RBFOX1: variants seen among roughly 807,000 people sequenced by gnomAD.
RBFOX1 encodes RNA binding fox-1 homolog 1.
A neutral mutation model predicts 57.7 loss-of-function variants in RBFOX1; 8 were observed. That is an observed-to-expected ratio of 0.14 (90% CI 0.08 to 0.25). The LOEUF is 0.25. Among genes scored for constraint, RBFOX1 ranks in the 10% least tolerant of loss-of-function variants. The pLI is 1.00. For synonymous variants in RBFOX1, 326 were observed against 222.4 expected (o/e 1.47, Z -4.15); for missense variants, 611 against 548.5 (o/e 1.11, Z -1.14).
At chr16:6,546,576 C>T (rs1293850698) in intron 2 of RBFOX1, among the ~76,000 whole-genome samples, 1 of 152,184 alleles carries the variant, frequency 6.6e-6, no homozygotes, top group Non-Finnish European at 1.5e-5. Context: ...TGGCTCTTTT[C>T]ACATCATCTT....
At chr16:5,407,904 G>A (rs1303692661) in intron 1 of RBFOX1, among the ~76,000 whole-genome samples, 4 of 152,196 alleles carry the variant, frequency 2.6e-5, no homozygotes, top group Admixed American at 2.6e-4. Context: ...AGCTGGTGAT[G>A]GGATTAGATT....
rs3041577 is a variant in RBFOX1 at position 5,909,090 on chromosome 16, C to CTTTTTTTTTTTTTTTTTTTTTTTTTT, written c.351+41775_351+41776insTTTTTTTTTTTTTTTTTTTTTTTTTT. Among the ~76,000 whole-genome samples the CTTTTTTTTTTTTTTTTTTTTTTTTTT allele has an allele frequency of 1.7e-5, 2 of 116,390 alleles. 1 individual carries two copies. 76.4% of individuals were successfully genotyped at this position (116,390 alleles called of 152,430 possible). On this transcript the variant is annotated intron_variant, in intron 4 of 19. Coordinates refer to the RBFOX1 transcript ENST00000641259. ...ATCGGCTCCAACAGACTAAGCCCCC[C>CTTTTTTTTTTTTTTTTTTTTTTTTTT]TTTTTTTTTTTTTTTTTTTTGAGAC... is the stretch of plus-strand genomic sequence containing the variant.
intron 1 of RBFOX1, among the ~76,000 whole-genome samples, chr16:6,138,930 C>T (rs2096690180): frequency 6.6e-6 from 1 of 152,154 alleles, no homozygotes; most frequent in Admixed American, 6.6e-5. Context: ...TGGTTAGAAG[C>T]AAATTACAGG....
chr16:6,183,216 T>C (rs995555199), intron 1 of RBFOX1, among the ~76,000 whole-genome samples: 2 of 151,950 alleles, frequency 1.3e-5, no homozygotes, highest in Non-Finnish European at 2.9e-5. Flanking sequence ...TTCAATGGCC[T>C]ACACCTGTAA....
intron 2 of RBFOX1, chr16:6,483,973 G>A (rs2095419488): frequency 2.0e-6 from 2 of 1,025,238 alleles, no homozygotes; most frequent in Non-Finnish European, 2.3e-6. Flanking sequence ...GGCTCGCCCT[G>A]GGTGCCCCGT....
At chr16:5,881,115 G>C (rs2057750298) in intron 4 of RBFOX1, among the ~76,000 whole-genome samples, 1 of 152,094 alleles carries the variant, frequency 6.6e-6, no homozygotes, top group Non-Finnish European at 1.5e-5. Flanking sequence ...TTTTCCTATC[G>C]AAGTTCACGG....
intron 14 of RBFOX1, among the ~76,000 whole-genome samples, chr16:7,707,017 G>T (rs1290224817): frequency 6.6e-6 from 1 of 152,182 alleles, no homozygotes; most frequent in Non-Finnish European, 1.5e-5. Context: ...GGACTGAAGG[G>T]TGTCCCCAAA....
chr16:7,061,022 CTG>C (rs112453963), intron 4 of RBFOX1, among the ~76,000 whole-genome samples: 69 of 150,566 alleles, frequency 4.6e-4, no homozygotes, highest in African/African-American at 1.5e-3. Flanking sequence ...GTATGTTCTC[CTG>C]TGTGTGTGTG....
At chr16:6,796,518 A>C (rs1436933860) in intron 3 of RBFOX1, among the ~76,000 whole-genome samples, 2 of 152,168 alleles carry the variant, frequency 1.3e-5, no homozygotes, top group Non-Finnish European at 2.9e-5. Flanking sequence ...ATCCACTGTA[A>C]ATAACAGAAT....
chr16:7,064,207 G>A (rs1373271174), intron 4 of RBFOX1, among the ~76,000 whole-genome samples: 1 of 132,194 alleles, frequency 7.6e-6, no homozygotes. Context: ...CTCACTATGT[G>A]GCCTAGGCTG....
intron 3 of RBFOX1, among the ~76,000 whole-genome samples, chr16:6,884,484 A>T (rs915529287): frequency 4.3e-4 from 66 of 152,206 alleles, no homozygotes; most frequent in African/African-American, 1.4e-3. Context: ...ACAAACTGTT[A>T]AGTACCTACC....
At chr16:6,357,549 C>G (rs1373634157) in intron 2 of RBFOX1, among the ~76,000 whole-genome samples, 1 of 151,476 alleles carries the variant, frequency 6.6e-6, no homozygotes, top group Non-Finnish European at 1.5e-5. Flanking sequence ...TCTGCACAAG[C>G]GCTCTCTCTC....
At chr16:5,521,592 C>T (rs954037444) in intron 2 of RBFOX1, among the ~76,000 whole-genome samples, 3 of 152,112 alleles carry the variant, frequency 2.0e-5, no homozygotes, top group African/African-American at 7.2e-5. Context: ...CCCAGAGTCA[C>T]AGGGGACAGG....
In RBFOX1 at chr16:7,712,569, G is replaced by A. The variant is rs1036201044; in HGVS notation, c.*1824G>A. ...CTTGAAAAGAGAAAAGGGGGAGGGG[G>A]GAGCTACTTATCAGCCAAAAGCATA... On this transcript the variant is annotated 3_prime_UTR_variant, in exon 16 of 16. Coordinates refer to ENST00000550418, the MANE Select transcript of RBFOX1 (RefSeq NM_018723.4). 1 of 152,570 alleles carries A rather than the reference G, an allele frequency of 6.6e-6. No homozygotes were observed. Among genetic ancestry groups the A allele is most frequent in the Admixed American group, 6.5e-5 (1 of 15,270 alleles). 9.5% of individuals were successfully genotyped at this position (152,570 alleles called of 1,614,324 possible). A position where few individuals can be genotyped will look rare whatever the true frequency, so the allele number is the denominator to read the frequency against.
At chr16:6,578,080 A>G (rs952514566) in intron 2 of RBFOX1, among the ~76,000 whole-genome samples, 2 of 152,204 alleles carry the variant, frequency 1.3e-5, no homozygotes, top group African/African-American at 2.4e-5. Flanking sequence ...AAATAAGGTA[A>G]TAAGTTAGTC....
At chr16:7,531,609 T>C (rs1302214904) in intron 5 of RBFOX1, among the ~76,000 whole-genome samples, 1 of 152,196 alleles carries the variant, frequency 6.6e-6, no homozygotes, top group East Asian at 1.9e-4. Context: ...ATGTTGTGTA[T>C]TTCATTGACA....
At chr16:7,662,409 C>T (rs2067995113) in intron 12 of RBFOX1, among the ~76,000 whole-genome samples, 1 of 152,192 alleles carries the variant, frequency 6.6e-6, no homozygotes, top group African/African-American at 2.4e-5. Flanking sequence ...CCTCCCGACC[C>T]ATTATTGAAT....
At chr16:5,417,138 T>G (rs997158128) in intron 1 of RBFOX1, among the ~76,000 whole-genome samples, 3 of 152,224 alleles carry the variant, frequency 2.0e-5, no homozygotes, top group South Asian at 2.1e-4. Context: ...AAGATGCATA[T>G]GCCACCTGAC....
intron 14 of RBFOX1, among the ~76,000 whole-genome samples, chr16:7,685,545 C>G (rs556879184): frequency 6.6e-5 from 10 of 152,080 alleles, no homozygotes; most frequent in African/African-American, 2.4e-4. Flanking sequence ...AAGCATGGTA[C>G]TAATTAGAAT....
Sources: allele counts gnomAD v4.1 joint callset (sites outside exome capture counted in the v4.1 genomes callset), GRCh38; gene constraint gnomAD v4.1.1; transcripts MANE v1.5; gene names NCBI Gene and HGNC (gene_info 2026-07-23, HGNC 2026-07-21).